Variants in SLC6A16 observed in about 807,000 individuals in gnomAD.
The protein encoded by SLC6A16 is orphan sodium- and chloride-dependent neurotransmitter transporter NTT5.
Under a neutral mutation model 65.4 loss-of-function variants are expected in SLC6A16, and 54 were observed. The observed-to-expected ratio is 0.83, with a 90% CI of 0.66 to 1.04. The LOEUF (loss-of-function observed/expected upper bound fraction) is 1.04, where lower values mean the gene tolerates loss of function less well. Ranked by LOEUF, SLC6A16 falls within the 50% of genes least tolerant of loss-of-function variation. SLC6A16 has a pLI of 0.00. For missense variants in SLC6A16, 816 were observed against 914.0 expected (o/e 0.89, Z 1.38); for synonymous variants, 330 against 346.5 (o/e 0.95, Z 0.53).
At chr19:49,310,239 T>G in intron 3 of SLC6A16, 73 bp from the exon 4 acceptor site, 2 of 1,606,742 alleles carry the variant, frequency 1.2e-6, no homozygotes, top group Non-Finnish European at 1.7e-6. Flanking sequence ...GACAGAGGAT[T>G]GGGGAACCAA....
chr19:49,326,318 C>G (rs998807307), upstream of SLC6A16, among the ~76,000 whole-genome samples: 1 of 152,106 alleles, frequency 6.6e-6, no homozygotes, highest in African/African-American at 2.4e-5. Context: ...TAGCTCATGT[C>G]TTGTAGCTTC....
At chr19:49,325,814 T>C (rs1325341070), upstream of SLC6A16, among the ~76,000 whole-genome samples, 1 of 152,220 alleles carries the variant, frequency 6.6e-6, no homozygotes, top group Non-Finnish European at 1.5e-5. Context: ...TGTTTAAAAA[T>C]TCATTATGTG....
the SLC6A16 span, chr19:49,339,308 A>T: frequency 1.2e-6 from 2 of 1,608,354 alleles, no homozygotes; most frequent in Admixed American, 1.7e-5. This position sits in a 1 kb window ranked among gnomAD's most constrained non-coding sequence, Gnocchi z 4.5. Context: ...GAATCCCTTT[A>T]ACTTTTCCCT....
At chr19:49,304,236 A>G (rs1970340025) in intron 7 of SLC6A16, among the ~76,000 whole-genome samples, 1 of 152,248 alleles carries the variant, frequency 6.6e-6, no homozygotes, top group East Asian at 1.9e-4. Flanking sequence ...TGAGTCAAGG[A>G]AGGCCATAAA....
chr19:49,332,914 C>A, the SLC6A16 span, among the ~76,000 whole-genome samples: 1 of 152,112 alleles, frequency 6.6e-6, no homozygotes, highest in Non-Finnish European at 1.5e-5. Context: ...GTAATGTCAG[C>A]ACTTTGGGAG....
chr19:49,305,092 T>G (rs1344109917), intron 7 of SLC6A16, among the ~76,000 whole-genome samples: 1 of 152,212 alleles, frequency 6.6e-6, no homozygotes, highest in Admixed American at 6.5e-5. Flanking sequence ...CTTTTTTACT[T>G]CCTTCAACCA....
chr19:49,303,567 A>C (rs1600624603), intron 7 of SLC6A16, among the ~76,000 whole-genome samples: 2 of 151,050 alleles, frequency 1.3e-5, no homozygotes, highest in Non-Finnish European at 2.9e-5. Flanking sequence ...AGGCAGGAGG[A>C]TTGTTTGAAC....
chr19:49,290,890 A>G lies in SLC6A16; in HGVS notation c.1779-123T>C. 3 of 854,886 alleles carry G rather than the reference A, an allele frequency of 3.5e-6. No individual in the cohort carries two copies. The South Asian group carries it at 5.4e-5, about 15-fold the overall frequency. 53.0% of individuals were successfully genotyped at this position (854,886 alleles called of 1,614,324 possible). ...TATCTCTAATCTCCTGTTTCATCTCAAGTCTTGTCCTCTCTCATCTTCCCC... is the reference window on the plus strand; with the variant it reads ...TATCTCTAATCTCCTGTTTCATCTCGAGTCTTGTCCTCTCTCATCTTCCCC... On this transcript the variant is annotated intron_variant, in intron 10 of 11. Coordinates refer to ENST00000335875, the MANE Select transcript of SLC6A16 (RefSeq NM_014037.3).
chr19:49,290,058 G>A lies in SLC6A16; in HGVS notation c.*65C>T. 1 of 1,491,262 alleles carries A rather than the reference G, an allele frequency of 6.7e-7. No homozygotes were observed. The highest frequency in any genetic ancestry group is 9.1e-7 in the Non-Finnish European group (1 of 1,093,196). The allele number at this position is 1,491,262 out of a possible 1,614,324, so 92.4% of individuals were successfully genotyped here. Reference sequence around the variant, plus strand: ...CCAGGGAGATCAACAGTTGCAAGCTGATATTAAGAGTTGTCTATTGGATCT... The same window carrying A: ...CCAGGGAGATCAACAGTTGCAAGCTAATATTAAGAGTTGTCTATTGGATCT... On this transcript the variant is annotated 3_prime_UTR_variant, in exon 12 of 12. Transcript: ENST00000335875.
intron 1 of SLC6A16, among the ~76,000 whole-genome samples, chr19:49,324,234 G>C (rs995431931): frequency 1.3e-5 from 2 of 152,070 alleles, no homozygotes; most frequent in Non-Finnish European, 2.9e-5. Flanking sequence ...GGGAGGCTGA[G>C]GCAGGAGAAT....
the SLC6A16 span, chr19:49,337,882 G>T: frequency 6.2e-7 from 1 of 1,611,516 alleles, no homozygotes; most frequent in Non-Finnish European, 8.5e-7. Context: ...GGGGAGGGGT[G>T]GGGCGGGGAA....
intron 7 of SLC6A16, among the ~76,000 whole-genome samples, chr19:49,295,923 A>G (rs760653545): frequency 9.9e-5 from 15 of 152,230 alleles, no homozygotes; most frequent in Non-Finnish European, 1.9e-4. Context: ...AATGCAAGGA[A>G]AGCTGTTTCA....
upstream of SLC6A16, among the ~76,000 whole-genome samples, chr19:49,327,193 G>A (rs190034094): frequency 6.6e-6 from 1 of 151,942 alleles, no homozygotes; most frequent in Non-Finnish European, 1.5e-5. Context: ...CCCTGCCTCA[G>A]CCTTCCGAGT....
rs952853348 is a variant in SLC6A16, at chr19:49,292,746, A to C, written c.1778+477T>G. Among the ~76,000 whole-genome samples, 1 of 152,038 alleles carries C rather than the reference A, an allele frequency of 6.6e-6. No individual in the cohort carries two copies. Among genetic ancestry groups the C allele is most frequent in the Admixed American group, 6.6e-5 (1 of 15,262 alleles). ...TTCCCTGCAGGGAGCACTTTACTCA[A>C]AATCTTGTCATGACTCCCTCCCTCC... On this transcript the variant is annotated intron_variant, in intron 10 of 11. Transcript: ENST00000335875. This position sits in a 1 kb window ranked among gnomAD's most constrained non-coding sequence, Gnocchi z 4.3.
At chr19:49,339,200 C>A in the SLC6A16 span, 1 of 823,068 alleles carries the variant, frequency 1.2e-6, no homozygotes, top group Non-Finnish European at 2.0e-6. This position sits in a 1 kb window ranked among gnomAD's most constrained non-coding sequence, Gnocchi z 4.5. Flanking sequence ...AGTAAGGAGA[C>A]TAGAGTGCCC....
At position 49,311,326 on chromosome 19, in the gene SLC6A16, A is replaced by G; in HGVS notation, c.22T>C (p.Ser8Pro). Residue 8 changes from serine (S) to proline (P), a missense_variant, in exon 2 of 12, where the codon TCG becomes CCG. Transcript: ENST00000335875. MKTEAQPSTSLLANTSWT... is the reference protein window; with the variant it reads MKTEAQPPTSLLANTSWT... Reference sequence around the variant, plus strand: ...GAGGTGTTTGCCAGCAAGGATGTCGAAGGCTGGGCCTCTGTCTTCATCTCA... The same window carrying G: ...GAGGTGTTTGCCAGCAAGGATGTCGGAGGCTGGGCCTCTGTCTTCATCTCA... The G allele has an allele frequency of 6.3e-7, 1 of 1,591,916 alleles. No individual in the cohort carries two copies. Among genetic ancestry groups the G allele is most frequent in the Non-Finnish European group, 8.6e-7 (1 of 1,169,396 alleles).
chr19:49,305,226 G>T (rs1410947744), intron 7 of SLC6A16, among the ~76,000 whole-genome samples: 1 of 152,214 alleles, frequency 6.6e-6, no homozygotes, highest in Admixed American at 6.5e-5. Flanking sequence ...GAGGCCTCAT[G>T]GAAGAGAGCA....
chr19:49,307,059 T>TTTTTTTTTTTTTTG (rs1970404840), intron 7 of SLC6A16, among the ~76,000 whole-genome samples: 1 of 132,258 alleles, frequency 7.6e-6, no homozygotes, highest in Non-Finnish European at 1.6e-5. Flanking sequence ...CACTTTTTTT[T>TTTTTTTTTTTTTTG]TTTTTTTGTT....
Position 49,290,361 on chromosome 19 carries a change from C to T in SLC6A16, c.1973G>A (p.Trp658Ter). The change falls in exon 12 of 12, where the codon TGG becomes TAG. Residue 658 changes from tryptophan to a stop codon, truncating the protein, a stop_gained. Coordinates refer to ENST00000335875, the MANE Select transcript of SLC6A16 (RefSeq NM_014037.3). LOFTEE classifies it low-confidence loss of function (END_TRUNC). ...AAGGGTGATCATCAAGAGCAGTGCC[C>T]ACGGTGGGTATGGTCGAAGCACCTC... The part of the protein sequence containing the change: ...SKEVLRPYPP[W>*]ALLLMITLFA... 1 of 1,613,736 alleles carries T rather than the reference C, an allele frequency of 6.2e-7. No homozygotes were observed. Among genetic ancestry groups the T allele is most frequent in the Non-Finnish European group, 8.5e-7 (1 of 1,179,874 alleles).
Sources: gnomAD v4.1 joint callset for allele counts (sites outside exome capture counted in the v4.1 genomes callset) on GRCh38, gnomAD v4.1.1 for gene constraint, Gnocchi (gnomAD v3.1) non-coding constraint, MANE v1.5 for transcripts, NCBI Gene and HGNC (gene_info 2026-07-23, HGNC 2026-07-21) for gene names.